Variants in FTO observed in about 807,000 individuals in gnomAD.
The protein encoded by FTO is FTO alpha-ketoglutarate dependent dioxygenase.
Under a neutral mutation model 63.9 loss-of-function variants are expected in FTO, and 47 were observed. The observed-to-expected ratio is 0.74, with a 90% CI of 0.58 to 0.94. FTO has a LOEUF of 0.94. FTO is among the 40% of genes least tolerant of loss of function. FTO has a pLI of 0.00. For synonymous variants in FTO, 207 were observed against 224.4 expected, an observed-to-expected ratio of 0.92 and a Z score of 0.69; for missense variants, 562 against 618.1, an observed-to-expected ratio of 0.91 and a Z score of 0.96.
At chr16:53,737,526 TA>T (rs2151528467) in intron 1 of FTO, among the ~76,000 whole-genome samples, 1 of 152,312 alleles carries the variant, frequency 6.6e-6, no homozygotes, top group East Asian at 1.9e-4. Context: ...TCTAAACATA[TA>T]AAAGGTGCAG....
chr16:54,048,256 G>GAAA (rs111381976), intron 8 of FTO, among the ~76,000 whole-genome samples: 1 of 134,020 alleles, frequency 7.5e-6, no homozygotes, highest in Non-Finnish European at 1.6e-5. Flanking sequence ...AAAAATACTT[G>GAAA]AAAAAAAAAA....
chr16:54,017,681 T>A (rs1468981437), intron 8 of FTO, among the ~76,000 whole-genome samples: 1 of 152,088 alleles, frequency 6.6e-6, no homozygotes, highest in East Asian at 1.9e-4. Context: ...ACCCAAATCA[T>A]GGAATAATCA....
chr16:53,824,470 G>T (rs56897002), intron 2 of FTO, among the ~76,000 whole-genome samples: 2 of 151,924 alleles, frequency 1.3e-5, no homozygotes, highest in Non-Finnish European at 2.9e-5. Context: ...AAGATTTCCT[G>T]CTGGTTTGTT....
At chr16:53,740,544 T>C (rs866417169) in intron 1 of FTO, among the ~76,000 whole-genome samples, 1 of 152,248 alleles carries the variant, frequency 6.6e-6, no homozygotes, top group African/African-American at 2.4e-5. Context: ...ATCTTATTTT[T>C]TGAGGGAAAA....
rs534717468 is a variant in FTO at position 53,795,268 on chromosome 16, A to G, written c.46-14872A>G. 3.9e-5 allele frequency among the ~76,000 whole-genome samples: 6 copies of G among 152,348 alleles called. No homozygotes were observed. The East Asian group carries it at 9.6e-4, about 24-fold the overall frequency. On this transcript the variant is annotated intron_variant, in intron 1 of 8. Coordinates refer to ENST00000471389, the MANE Select transcript of FTO (RefSeq NM_001080432.3). ...ATACTAAGGAATTCATTCAGAATGT[A>G]TCATAAAGAGACAAAAGATTTTTTA...
Position 53,879,837 on chromosome 16 carries a change from T to A in FTO, c.976-7T>A, listed in dbSNP as rs1261640087. The A allele has an allele frequency of 6.2e-7, 1 of 1,613,864 alleles. No homozygotes were observed. Among genetic ancestry groups the A allele is most frequent in the East Asian group, 2.2e-5 (1 of 44,868 alleles). ...CATAATTGTGATTGCTGGTTCTGTC[T>A]CAACAGTGCTCAACAGGAACCTTGG... is the stretch of plus-strand genomic sequence containing the variant. On this transcript the variant is annotated splice_polypyrimidine_tract_variant and splice_region_variant and intron_variant, in intron 5 of 8. Coordinates refer to ENST00000471389, the MANE Select transcript of FTO (RefSeq NM_001080432.3).
intron 8 of FTO, among the ~76,000 whole-genome samples, chr16:54,063,402 A>G (rs2085635933): frequency 6.6e-6 from 1 of 152,226 alleles, no homozygotes; most frequent in Non-Finnish European, 1.5e-5. Context: ...TGAAAAAACA[A>G]GCACAAGGCT....
intron 7 of FTO, among the ~76,000 whole-genome samples, chr16:53,917,889 A>G (rs770165823): frequency 2.9e-4 from 44 of 152,158 alleles, no homozygotes; most frequent in Non-Finnish European, 5.4e-4. Flanking sequence ...CAAGTACAGC[A>G]ACTCTGCCCG....
At chr16:53,756,507 T>C (rs2076928102) in intron 1 of FTO, among the ~76,000 whole-genome samples, 1 of 152,240 alleles carries the variant, frequency 6.6e-6, no homozygotes, top group African/African-American at 2.4e-5. Context: ...AAAGTTTGCA[T>C]GTTGTCATCT....
chr16:53,867,839 C>T (rs73607643), intron 4 of FTO, among the ~76,000 whole-genome samples: 4,307 of 152,192 alleles, frequency 0.028, 206 homozygotes, highest in African/African-American at 0.098. Context: ...TTTTTCCTTG[C>T]AGTTCTATCA....
chr16:54,036,495 G>T (rs760127051), intron 8 of FTO, among the ~76,000 whole-genome samples: 1 of 152,166 alleles, frequency 6.6e-6, no homozygotes, highest in Non-Finnish European at 1.5e-5. Flanking sequence ...AAACCTTGAG[G>T]TTCTTTTTGC....
At chr16:53,717,246 A>G (rs1205035992) in intron 1 of FTO, among the ~76,000 whole-genome samples, 1 of 152,034 alleles carries the variant, frequency 6.6e-6, no homozygotes, top group Non-Finnish European at 1.5e-5. Flanking sequence ...TTCCAATTTA[A>G]AGAAGCAATA....
chr16:53,950,088 T>G (rs2082737018), intron 8 of FTO, among the ~76,000 whole-genome samples: 1 of 128,086 alleles, frequency 7.8e-6, no homozygotes. Flanking sequence ...TTTTTTTTGG[T>G]GTGTAACACA....
At position 53,922,429 on chromosome 16, in the gene FTO, T is replaced by C. The variant is rs57864462; in HGVS notation, c.1240-11556T>C. ...AGTGGAGTTTCCCATATATGGTGTC[T>C]TCTGGTGTGAGGATAATTTCAACAC... On this transcript the variant is annotated intron_variant, in intron 7 of 8. Transcript: ENST00000471389. 4.2e-3 allele frequency among the ~76,000 whole-genome samples: 646 copies of C among 152,320 alleles called. 2 individuals are homozygous for C. The highest frequency in any genetic ancestry group is 0.014 in the African/African-American group (597 of 41,568).
At chr16:53,913,582 C>T (rs2081773258) in intron 7 of FTO, among the ~76,000 whole-genome samples, 1 of 152,148 alleles carries the variant, frequency 6.6e-6, no homozygotes, top group Non-Finnish European at 1.5e-5. Context: ...GAGATTTGGC[C>T]TGTCTCTTGC....
At chr16:53,927,988 T>G (rs1265119614) in intron 7 of FTO, among the ~76,000 whole-genome samples, 1 of 151,930 alleles carries the variant, frequency 6.6e-6, no homozygotes, top group East Asian at 1.9e-4. Context: ...ATTGGCAGAG[T>G]TTAAGATGAA....
rs2081072149 is a variant in FTO at position 53,888,702 on chromosome 16, C to T, written c.1120-130C>T. The T allele has an allele frequency of 5.1e-6, 5 of 982,712 alleles. No homozygotes were observed. The Admixed American group carries it at 8.5e-5, about 17-fold the overall frequency. 60.9% of individuals were successfully genotyped at this position (982,712 alleles called of 1,614,324 possible). On this transcript the variant is annotated intron_variant, in intron 6 of 8. Transcript: ENST00000471389. ...CAGCTTACACTGGGAACTGGTTAGG[C>T]TGACCTTTCTCACCTTTTCTCATCC...
chr16:53,800,921 T>C (rs1047480682), intron 1 of FTO, among the ~76,000 whole-genome samples: 5 of 152,132 alleles, frequency 3.3e-5, no homozygotes, highest in African/African-American at 1.2e-4. Context: ...TATACACTTA[T>C]GTGGCATTAA....
chr16:53,783,387 C>T (rs1291790982), intron 1 of FTO, among the ~76,000 whole-genome samples: 17 of 151,418 alleles, frequency 1.1e-4, no homozygotes, highest in Admixed American at 9.9e-4. Flanking sequence ...CCGAGGCGGG[C>T]GGGTCACGAG....
Sources: allele counts gnomAD v4.1 joint callset (sites outside exome capture counted in the v4.1 genomes callset), GRCh38; gene constraint gnomAD v4.1.1; transcripts MANE v1.5; gene names NCBI Gene and HGNC (gene_info 2026-07-23, HGNC 2026-07-21).